The following USP30 variants were observed in gnomAD, a reference collection of about 807,000 sequenced individuals.
USP30 encodes the protein ubiquitin specific peptidase 30, also known as ubiquitin carboxyl-terminal hydrolase 30.
USP30 carries 41 observed loss-of-function variants against 68.2 expected under a neutral mutation model. That is an observed-to-expected ratio of 0.60 (90% CI 0.47 to 0.78). The LOEUF (loss-of-function observed/expected upper bound fraction) is 0.78, where lower values mean the gene tolerates loss of function less well. USP30 is among the 30% of genes least tolerant of loss of function. The probability of loss-of-function intolerance (pLI) is 0.00; values close to 1 mark genes in which losing one functional copy is unlikely to be tolerated. For synonymous variants in USP30, 229 were observed against 253.7 expected (o/e 0.90, Z 0.93); for missense variants, 522 against 649.4 (o/e 0.80, Z 2.13).
chr12:109,054,190 G>C (rs568147665), intron 1 of USP30: 1 of 389,414 alleles, frequency 2.6e-6, no homozygotes, highest in African/African-American at 2.1e-5. Flanking sequence ...CTCACGTATC[G>C]TGTAAAAGCA....
chr12:109,057,847 G>C, intron 2 of USP30, 79 bp from the exon 3 acceptor site: 6 of 1,475,834 alleles, frequency 4.1e-6, no homozygotes, highest in Non-Finnish European at 5.5e-6. Context: ...CCACAGCGCA[G>C]GAACTCTGGG....
chr12:109,027,934 A>T (rs937667053), intron 3 of USP30, among the ~76,000 whole-genome samples: 2 of 152,174 alleles, frequency 1.3e-5, no homozygotes, highest in African/African-American at 4.8e-5. Flanking sequence ...GCTGAGTCAT[A>T]TGGTAACTAT....
Position 109,057,913 on chromosome 12 carries a change from G to C in USP30, c.194-13G>C. ...GATATACTGTTCTCTTCTTCCCCCT[G>C]CTTTTTTTTTAGGGCTTGTGCCTGG... On this transcript the variant is annotated splice_polypyrimidine_tract_variant and intron_variant, in intron 2 of 12. Transcript: ENST00000257548. 6.2e-7 allele frequency: 1 copy of C among 1,608,594 alleles called. No individual in the cohort carries two copies.
At chr12:109,065,051 G>A (rs1403636403) in intron 3 of USP30, among the ~76,000 whole-genome samples, 7 of 152,152 alleles carry the variant, frequency 4.6e-5, no homozygotes, top group African/African-American at 1.4e-4. Flanking sequence ...TATTAAGAAA[G>A]TAAAGGAATA....
At chr12:109,046,850 T>A (rs1188882401) in intron 3 of USP30, among the ~76,000 whole-genome samples, 2 of 152,072 alleles carry the variant, frequency 1.3e-5, no homozygotes, top group African/African-American at 2.4e-5. Context: ...GTGTGCGCCA[T>A]CATGCCCAGC....
At chr12:109,077,406 G>A (rs1285931553) in intron 7 of USP30, among the ~76,000 whole-genome samples, 1 of 152,108 alleles carries the variant, frequency 6.6e-6, no homozygotes, top group South Asian at 2.1e-4. Context: ...ATTATGATGA[G>A]TTAACTCATC....
At chr12:109,035,466 C>T (rs1341845333) in intron 3 of USP30, among the ~76,000 whole-genome samples, 7 of 152,096 alleles carry the variant, frequency 4.6e-5, no homozygotes, top group East Asian at 3.8e-4. Context: ...CGGGTTCAAG[C>T]GATTCTCCTG....
intron 7 of USP30, among the ~76,000 whole-genome samples, chr12:109,074,074 T>C (rs2041523463): frequency 1.3e-5 from 2 of 152,216 alleles, no homozygotes; most frequent in Admixed American, 1.3e-4. Flanking sequence ...AATCTACCTC[T>C]GTCTCTATGG....
intron 3 of USP30, among the ~76,000 whole-genome samples, chr12:109,064,579 C>T (rs962119754): frequency 1.3e-5 from 2 of 152,208 alleles, no homozygotes; most frequent in African/African-American, 4.8e-5. Context: ...TGCACCTGGC[C>T]TCATTCACTT....
chr12:109,082,893 C>A lies in USP30; in HGVS notation c.999C>A (p.His333Gln). 1.2e-6 allele frequency: 2 copies of A among 1,614,234 alleles called. No homozygotes were observed. The highest frequency in any genetic ancestry group is 1.7e-6 in the Non-Finnish European group (2 of 1,180,032). ...IHLQRLSWSS[H>Q]GTPLKRHEHV... ...TACAGCGGCTGAGCTGGTCCAGCCA[C>A]GGCACGCCTCTGAAGCGGCATGAGC... The change falls in exon 11 of 13, where the codon CAC becomes CAA. Residue 333 changes from histidine to glutamine, a missense_variant. Physicochemically the swap from His to Gln is conservative, Grantham distance 24. Transcript: ENST00000257548.
intron 7 of USP30, 66 bp from the exon 8 acceptor site, chr12:109,081,268 C>A: frequency 6.8e-7 from 1 of 1,476,430 alleles, no homozygotes; most frequent in Non-Finnish European, 9.5e-7. Context: ...AGTCACATAT[C>A]TTGCATCTTT....
intron 11 of USP30, among the ~76,000 whole-genome samples, chr12:109,084,222 T>C (rs1011675419): frequency 1.3e-5 from 2 of 152,190 alleles, no homozygotes; most frequent in African/African-American, 2.4e-5. Flanking sequence ...AGCAAGATCC[T>C]GTCTAAAACA....
chr12:109,026,555 G>A (rs2040446693), intron 2 of USP30, among the ~76,000 whole-genome samples: 1 of 151,544 alleles, frequency 6.6e-6, no homozygotes, highest in South Asian at 2.1e-4. Flanking sequence ...AACCTCCCAA[G>A]CTCAAGTGAT....
intron 3 of USP30, among the ~76,000 whole-genome samples, chr12:109,045,534 C>T (rs190046148): frequency 2.0e-4 from 31 of 152,164 alleles, no homozygotes; most frequent in Middle Eastern, 6.8e-3. Flanking sequence ...CACACAGACC[C>T]GCCTGCCATA....
intron 2 of USP30, among the ~76,000 whole-genome samples, chr12:109,057,242 A>G (rs2040905977): frequency 6.6e-6 from 1 of 152,056 alleles, no homozygotes; most frequent in Admixed American, 6.6e-5. Flanking sequence ...GCTCTATGTA[A>G]CATTGATTAA....
At chr12:109,055,815 TAA>T (rs779280314) in intron 1 of USP30, among the ~76,000 whole-genome samples, 54 of 129,486 alleles carry the variant, frequency 4.2e-4, no homozygotes, top group Admixed American at 4.7e-4. Flanking sequence ...CCCAGTGCAT[TAA>T]AAAAAAAAAA....
intron 3 of USP30, among the ~76,000 whole-genome samples, chr12:109,034,495 G>A (rs1344043428): frequency 6.6e-6 from 1 of 152,162 alleles, no homozygotes; most frequent in Non-Finnish European, 1.5e-5. Context: ...GGGAGACTGA[G>A]GTGGGAGGAT....
intron 3 of USP30, among the ~76,000 whole-genome samples, chr12:109,037,004 G>A (rs2040525759): frequency 6.6e-6 from 1 of 151,768 alleles, no homozygotes; most frequent in African/African-American, 2.4e-5. Context: ...TTTTCTTCAG[G>A]TATTTTTTCT....
At chr12:109,025,424 G>A (rs1181112190) in intron 2 of USP30, among the ~76,000 whole-genome samples, 2 of 151,940 alleles carry the variant, frequency 1.3e-5, no homozygotes, top group Admixed American at 1.3e-4. Flanking sequence ...TTATCATTAT[G>A]TTGCTCTCTT....
Sources: allele counts gnomAD v4.1 joint callset (sites outside exome capture counted in the v4.1 genomes callset), GRCh38; gene constraint gnomAD v4.1.1; transcripts MANE v1.5; gene names NCBI Gene and HGNC (gene_info 2026-07-23, HGNC 2026-07-21).